LHFPL2: variants seen among roughly 807,000 people sequenced by gnomAD.
The protein encoded by LHFPL2 is LHFPL tetraspan subfamily member 2 protein.
Under a neutral mutation model 17.5 loss-of-function variants are expected in LHFPL2, and 7 were observed. That is an observed-to-expected ratio of 0.40 (90% confidence interval 0.23 to 0.75). The LOEUF (loss-of-function observed/expected upper bound fraction) is 0.75, where lower values mean the gene tolerates loss of function less well. LHFPL2 is among the 30% of genes least tolerant of loss of function. The pLI, the probability that LHFPL2 is intolerant of heterozygous loss-of-function variation, is 0.37. For missense variants in LHFPL2, 241 were observed against 294.8 expected (o/e 0.82, Z 1.34); for synonymous variants, 134 against 116.2 (o/e 1.15, Z -0.99).
intron 4 of LHFPL2, among the ~76,000 whole-genome samples, chr5:78,502,464 CAGTT>C (rs1754803034): frequency 6.6e-6 from 1 of 152,238 alleles, no homozygotes. Context: ...TCCTTCCCAT[CAGTT>C]AGTGATGAAG....
intron 2 of LHFPL2, among the ~76,000 whole-genome samples, chr5:78,605,122 CTGAG>C (rs1303088605): frequency 6.6e-6 from 1 of 152,200 alleles, no homozygotes; most frequent in African/African-American, 2.4e-5. Context: ...CCACTGCAGA[CTGAG>C]TGTGTGTTAC....
At chr5:78,510,783 C>CA (rs1561313569) in intron 3 of LHFPL2, among the ~76,000 whole-genome samples, 2 of 152,192 alleles carry the variant, frequency 1.3e-5, no homozygotes, top group South Asian at 2.1e-4. Flanking sequence ...GCAAGACTGG[C>CA]AATCAACTCT....
chr5:78,516,691 A>G (rs1362472489), intron 3 of LHFPL2, among the ~76,000 whole-genome samples: 1 of 152,152 alleles, frequency 6.6e-6, no homozygotes, highest in Non-Finnish European at 1.5e-5. Flanking sequence ...TAAATTAAAT[A>G]TATTTTTAGT....
intron 1 of LHFPL2, among the ~76,000 whole-genome samples, chr5:78,646,861 A>G (rs933960237): frequency 1.3e-5 from 2 of 152,186 alleles, no homozygotes; most frequent in African/African-American, 4.8e-5. Flanking sequence ...TTCACATATC[A>G]TGACTCAATT....
intron 3 of LHFPL2, among the ~76,000 whole-genome samples, chr5:78,539,004 A>C (rs17216038): frequency 0.42 from 63,225 of 152,058 alleles, 13,329 homozygotes; most frequent in Middle Eastern, 0.49. Flanking sequence ...GGCACTTGAC[A>C]CCTGCTATGG....
intron 2 of LHFPL2, among the ~76,000 whole-genome samples, chr5:78,622,380 A>G (rs1205796240): frequency 1.3e-5 from 2 of 152,240 alleles, no homozygotes; most frequent in Non-Finnish European, 2.9e-5. Flanking sequence ...TATGCCTTAC[A>G]TAGGTTCCCT....
intron 3 of LHFPL2, among the ~76,000 whole-genome samples, chr5:78,547,888 A>G (rs1051726700): frequency 6.6e-6 from 1 of 152,238 alleles, no homozygotes; most frequent in African/African-American, 2.4e-5. Context: ...TTGGGGCTGG[A>G]GCCAACCAAC....
At position 78,488,028 on chromosome 5, in the gene LHFPL2, G is replaced by A. The variant is rs1488487845; in HGVS notation, c.*869C>T. 2 of 67,952 alleles carry A rather than the reference G, an allele frequency of 2.9e-5. No individual in the cohort carries two copies. The highest frequency in any genetic ancestry group is 7.1e-5 in the Non-Finnish European group (2 of 28,038). The allele number at this position is 67,952 out of a possible 1,614,324, so 4.2% of individuals were successfully genotyped here. The stretch of plus-strand genomic sequence containing the variant: ...CATCTGCATAAGCCACAGCTAGCTT[G>A]GAGACCTCAGTCCCTGGAAGGAGGA... On this transcript the variant is annotated 3_prime_UTR_variant, in exon 5 of 5. Transcript: ENST00000380345.
intron 4 of LHFPL2, among the ~76,000 whole-genome samples, chr5:78,494,997 T>C (rs536241109): frequency 7.2e-5 from 11 of 152,310 alleles, no homozygotes; most frequent in Admixed American, 4.6e-4. Context: ...ATGTCTTAGG[T>C]AAATTTTTAA....
chr5:78,509,971 C>A lies in LHFPL2; in HGVS notation c.243G>T (p.Leu81=). ...PGVQHFQRDT[L]CGPYAESFGE... ...CGAAGCTCTCGGCGTAGGGCCCGCA[C>A]AGCGTGTCCCGCTGGAAGTGCTGCA... is the stretch of plus-strand genomic sequence containing the variant. Residue 81 remains leucine (L), a synonymous_variant, in exon 4 of 5, where the codon CTG becomes CTT. Transcript: ENST00000380345. 3 of 1,613,858 alleles carry A rather than the reference C, an allele frequency of 1.9e-6. No individual in the cohort carries two copies. Among genetic ancestry groups the A allele is most frequent in the Non-Finnish European group, 2.5e-6 (3 of 1,179,974 alleles).
chr5:78,579,346 TTTA>T (rs990928639), intron 2 of LHFPL2, among the ~76,000 whole-genome samples: 2 of 152,038 alleles, frequency 1.3e-5, no homozygotes, highest in Non-Finnish European at 2.9e-5. Flanking sequence ...TTTTCATTTA[TTTA>T]TTATTATTAT....
intron 3 of LHFPL2, among the ~76,000 whole-genome samples, chr5:78,516,168 A>G (rs1383351318): frequency 6.6e-6 from 1 of 152,178 alleles, no homozygotes; most frequent in African/African-American, 2.4e-5. Context: ...ACCCCGTAAA[A>G]CACATTCACT....
intron 3 of LHFPL2, among the ~76,000 whole-genome samples, chr5:78,563,017 T>C (rs1036193681): frequency 6.6e-6 from 1 of 152,108 alleles, no homozygotes; most frequent in Non-Finnish European, 1.5e-5. Context: ...TGCAGCTCCT[T>C]AAATAACAGG....
intron 3 of LHFPL2, among the ~76,000 whole-genome samples, chr5:78,558,196 T>C (rs1756631645): frequency 6.6e-6 from 1 of 152,212 alleles, no homozygotes; most frequent in Non-Finnish European, 1.5e-5. Context: ...TAAATAAAAA[T>C]ATATACAGCT....
chr5:78,541,833 G>A (rs1336453664), intron 3 of LHFPL2, among the ~76,000 whole-genome samples: 3 of 152,194 alleles, frequency 2.0e-5, no homozygotes, highest in East Asian at 1.9e-4. Flanking sequence ...GAGTGCCTGC[G>A]ACCTGATTAG....
chr5:78,627,823 G>A (rs565552602), intron 2 of LHFPL2, among the ~76,000 whole-genome samples: 1 of 152,176 alleles, frequency 6.6e-6, no homozygotes, highest in African/African-American at 2.4e-5. Flanking sequence ...TCAACTCAAA[G>A]GAATTTGTCC....
intron 3 of LHFPL2, among the ~76,000 whole-genome samples, chr5:78,534,659 G>C (rs1343172021): frequency 6.6e-6 from 1 of 152,220 alleles, no homozygotes; most frequent in Non-Finnish European, 1.5e-5. Flanking sequence ...AGGTCCTTGA[G>C]GGAAGCAATG....
rs779226977 is a variant in LHFPL2 at position 78,619,647 on chromosome 5, C to T, written c.-245+12617G>A. 3.9e-3 allele frequency among the ~76,000 whole-genome samples: 408 copies of T among 103,370 alleles called. 3 individuals are homozygous for T. Among genetic ancestry groups the T allele is most frequent in the Non-Finnish European group, 5.2e-3 (275 of 52,922 alleles). The allele number at this position is 103,370 out of a possible 152,430, so 67.8% of individuals were successfully genotyped here. ...GGTATATCTCCTAATGCTATCCCTC[C>T]CCCCTCCCCCCACCCCACAACAGGC... is the stretch of plus-strand genomic sequence containing the variant. On this transcript the variant is annotated intron_variant, in intron 2 of 4. Coordinates refer to ENST00000380345, the MANE Select transcript of LHFPL2 (RefSeq NM_005779.3).
Position 78,510,229 on chromosome 5 carries a change from GAAGA to G in LHFPL2, c.-20_-17del, listed in dbSNP as rs1474198491. The G allele has an allele frequency of 3.8e-6, 6 of 1,565,728 alleles. No homozygotes were observed. The highest frequency in any genetic ancestry group is 1.2e-5 in the South Asian group (1 of 86,008). Reference sequence around the variant, plus strand: ...CATGACACATATTGATGTTCCGGGCGAAGAAAGAGTCAGGAGTCCACGGAGTTAA... The same window carrying G: ...CATGACACATATTGATGTTCCGGGCGAAGAGTCAGGAGTCCACGGAGTTAA... On this transcript the variant is annotated 5_prime_UTR_variant, in exon 4 of 5. Coordinates refer to ENST00000380345, the MANE Select transcript of LHFPL2 (RefSeq NM_005779.3).
Sources: allele counts gnomAD v4.1 joint callset (sites outside exome capture counted in the v4.1 genomes callset), GRCh38; gene constraint gnomAD v4.1.1; transcripts MANE v1.5; gene names NCBI Gene and HGNC (gene_info 2026-07-23, HGNC 2026-07-21).